CPED1: variants seen among roughly 807,000 people sequenced by gnomAD.
CPED1 encodes the protein cadherin like and PC-esterase domain containing 1, also known as cadherin-like and PC-esterase domain-containing protein 1.
A neutral mutation model predicts 128.2 loss-of-function variants in CPED1; 114 were observed. That is an observed-to-expected ratio of 0.89 (90% CI 0.76 to 1.04). The LOEUF is 1.04. Ranked by LOEUF, CPED1 falls within the 50% of genes least tolerant of loss-of-function variation. CPED1 has a pLI of 0.00. For synonymous variants in CPED1, 462 were observed against 426.7 expected (o/e 1.08, Z -1.02); for missense variants, 1,211 against 1,207.1 (o/e 1.00, Z -0.05).
chr7:121,098,890 A>G (rs1029075576), intron 6 of CPED1, among the ~76,000 whole-genome samples: 3 of 148,798 alleles, frequency 2.0e-5, no homozygotes, highest in Non-Finnish European at 4.5e-5. Flanking sequence ...TAGATATTTA[A>G]CATTTAGAAA....
At chr7:121,163,030 A>G (rs192376368) in intron 16 of CPED1, among the ~76,000 whole-genome samples, 1 of 152,342 alleles carries the variant, frequency 6.6e-6, no homozygotes, top group East Asian at 1.9e-4. Context: ...AGAAAGACAG[A>G]TGCTGGGAAA....
At chr7:121,264,026 T>C (rs976480723) in intron 18 of CPED1, among the ~76,000 whole-genome samples, 1 of 152,048 alleles carries the variant, frequency 6.6e-6, no homozygotes, top group Non-Finnish European at 1.5e-5. Flanking sequence ...ATGTCCTATG[T>C]GTGGGGCCTA....
At chr7:121,069,309 C>T (rs1357461039) in intron 5 of CPED1, among the ~76,000 whole-genome samples, 1 of 152,132 alleles carries the variant, frequency 6.6e-6, no homozygotes, top group Non-Finnish European at 1.5e-5. Context: ...GTTTTCTTCT[C>T]TCTAAAAATA....
At chr7:121,253,215 A>T (rs1798726022) in intron 18 of CPED1, among the ~76,000 whole-genome samples, 2 of 150,972 alleles carry the variant, frequency 1.3e-5, no homozygotes, top group South Asian at 4.2e-4. Context: ...CACAAGGACA[A>T]AAAACCAAAC....
At chr7:121,239,840 A>G (rs1013985705) in intron 17 of CPED1, among the ~76,000 whole-genome samples, 2 of 152,166 alleles carry the variant, frequency 1.3e-5, no homozygotes, top group African/African-American at 2.4e-5. Flanking sequence ...CTAAAAGACA[A>G]TTTCATTCCT....
Position 121,128,469 on chromosome 7 carries a change from C to G in CPED1, c.1390C>G (p.Leu464Val). ...IMTFIKELGS[L>V]GQFQLLFPST... ...GACTTTCATAAAGGAACTTGGAAGTCTGGGACAATTCCAACTGGTAAAGCA... is the reference window on the plus strand; with the variant it reads ...GACTTTCATAAAGGAACTTGGAAGTGTGGGACAATTCCAACTGGTAAAGCA... Residue 464 changes from leucine (L) to valine (V), a missense_variant, in exon 11 of 23, where the codon CTG (leucine) becomes GTG (valine). Coordinates refer to ENST00000310396, the MANE Select transcript of CPED1 (RefSeq NM_024913.5). The G allele has an allele frequency of 1.3e-6, 2 of 1,577,012 alleles. No homozygotes were observed. Among genetic ancestry groups the G allele is most frequent in the Non-Finnish European group, 1.7e-6 (2 of 1,146,454 alleles).
chr7:121,007,231 A>ATT (rs398006038), intron 2 of CPED1, among the ~76,000 whole-genome samples: 2,170 of 129,758 alleles, frequency 0.017, 93 homozygotes, highest in African/African-American at 0.037. Flanking sequence ...TTCAGGTTGC[A>ATT]TTTTTTTTTT....
At position 121,137,690 on chromosome 7, in the gene CPED1, T is replaced by C. The variant is rs116783074; in HGVS notation, c.1699+1600T>C. ...AATAGAGAACAAAGATAGCAAGTAT[T>C]ACTTATGCCATTCCTTCCCTGCACT... On this transcript the variant is annotated intron_variant, in intron 14 of 22. Coordinates refer to ENST00000310396, the MANE Select transcript of CPED1 (RefSeq NM_024913.5). Among the ~76,000 whole-genome samples, 924 of 152,178 alleles carry C rather than the reference T, an allele frequency of 6.1e-3. 8 individuals are homozygous for C. The highest frequency in any genetic ancestry group is 0.021 in the African/African-American group (862 of 41,536).
At chr7:121,047,861 C>T (rs1793256756) in intron 4 of CPED1, among the ~76,000 whole-genome samples, 2 of 151,816 alleles carry the variant, frequency 1.3e-5, no homozygotes, top group African/African-American at 4.9e-5. Flanking sequence ...CGTAGTCCCA[C>T]GCCCGGCTAA....
intron 16 of CPED1, among the ~76,000 whole-genome samples, chr7:121,220,942 A>G (rs758123287): frequency 5.3e-5 from 8 of 151,914 alleles, no homozygotes; most frequent in Non-Finnish European, 1.0e-4. Flanking sequence ...CTTTTCTTAT[A>G]TATATCTCCA....
intron 3 of CPED1, among the ~76,000 whole-genome samples, chr7:121,027,790 T>C (rs1463959875): frequency 6.7e-6 from 1 of 149,944 alleles, no homozygotes; most frequent in Non-Finnish European, 1.5e-5. Context: ...GAGTTTCAGC[T>C]CTTTCTCGAA....
chr7:121,222,160 A>G (rs947897127), intron 16 of CPED1, among the ~76,000 whole-genome samples: 1 of 152,192 alleles, frequency 6.6e-6, no homozygotes, highest in Non-Finnish European at 1.5e-5. Context: ...ATCCAGTTTC[A>G]GCTTTCTACA....
At chr7:121,159,122 G>GA (rs1796355420) in intron 16 of CPED1, among the ~76,000 whole-genome samples, 1 of 152,054 alleles carries the variant, frequency 6.6e-6, no homozygotes, top group East Asian at 1.9e-4. Flanking sequence ...AAACTGTAGG[G>GA]AAAAAAATGC....
Position 121,265,565 on chromosome 7 carries a change from T to C in CPED1, c.2311-662T>C, listed in dbSNP as rs547184497. On this transcript the variant is annotated intron_variant, in intron 18 of 22. Coordinates refer to ENST00000310396, the MANE Select transcript of CPED1 (RefSeq NM_024913.5). ...AAATTTATTGCAGCAATATTGTGTG[T>C]AGAATGAATTAAAAGACAGCCATTG... Among the ~76,000 whole-genome samples, 7 of 152,158 alleles carry C rather than the reference T, an allele frequency of 4.6e-5. No homozygotes were observed. The South Asian group carries it at 1.5e-3, about 32-fold the overall frequency.
At chr7:121,252,701 A>G (rs1174382459) in intron 18 of CPED1, among the ~76,000 whole-genome samples, 2 of 152,210 alleles carry the variant, frequency 1.3e-5, no homozygotes, top group Non-Finnish European at 2.9e-5. Context: ...CAGCCAAAAA[A>G]CACACGAAAA....
At chr7:121,202,352 G>T (rs569747613) in intron 16 of CPED1, among the ~76,000 whole-genome samples, 1 of 152,264 alleles carries the variant, frequency 6.6e-6, no homozygotes, top group South Asian at 2.1e-4. Context: ...GAGACAGGAG[G>T]AAGTGGAGAG....
At chr7:121,094,164 T>C (rs1794641439) in intron 5 of CPED1, among the ~76,000 whole-genome samples, 1 of 152,202 alleles carries the variant, frequency 6.6e-6, no homozygotes, top group Non-Finnish European at 1.5e-5. Context: ...TCAAAACTAA[T>C]TGCGAATTAT....
chr7:121,079,229 T>C (rs1283615417), intron 5 of CPED1, among the ~76,000 whole-genome samples: 1 of 152,102 alleles, frequency 6.6e-6, no homozygotes, highest in Non-Finnish European at 1.5e-5. Context: ...GACAGAAGGC[T>C]GCGAGTAGCA....
At chr7:121,178,392 TTTG>T (rs937741688) in intron 16 of CPED1, among the ~76,000 whole-genome samples, 4 of 152,052 alleles carry the variant, frequency 2.6e-5, no homozygotes, top group Non-Finnish European at 2.9e-5. Context: ...CATGCGTATT[TTTG>T]TTGTTGTTCT....
Sources: allele counts gnomAD v4.1 joint callset (sites outside exome capture counted in the v4.1 genomes callset), GRCh38; gene constraint gnomAD v4.1.1; transcripts MANE v1.5; gene names NCBI Gene and HGNC (gene_info 2026-07-23, HGNC 2026-07-21).